The following CCDC71 variants were observed in gnomAD, a reference collection of about 807,000 sequenced individuals.
CCDC71 encodes coiled-coil domain-containing protein 71.
For missense variants in CCDC71, 594 were observed against 604.0 expected, an observed-to-expected ratio of 0.98 and a Z score of 0.17; for synonymous variants, 257 against 242.2, an observed-to-expected ratio of 1.06 and a Z score of -0.57.
In CCDC71 at chr3:49,163,948, T is replaced by C. The variant is rs371890301; in HGVS notation, c.261A>G (p.Gln87=). ...TANPPSQTKL[Q]ARAPNPTATS... is the part of the protein sequence containing the mutation. The stretch of plus-strand genomic sequence containing the variant: ...TGGCAGTTGGGTTAGGGGCACGAGC[T>C]TGCAGTTTCGTCTGGCTTGGGGGAT... The change falls in exon 2 of 2, where the codon CAA becomes CAG. Residue 87 remains glutamine, a synonymous_variant. Transcript: ENST00000321895. The C allele has an allele frequency of 2.5e-6, 4 of 1,614,186 alleles. No individual in the cohort carries two copies. The highest frequency in any genetic ancestry group is 3.4e-6 in the Non-Finnish European group (4 of 1,180,044).
At position 49,162,938 on chromosome 3, in the gene CCDC71, A is replaced by T. The variant is rs547142043; in HGVS notation, c.1271T>A (p.Leu424Gln). Residue 424 changes from leucine to glutamine, a missense_variant, in exon 2 of 2, where the codon CTG becomes CAG. Leu to Gln is a moderately radical substitution (Grantham distance 113). Coordinates refer to ENST00000321895, the MANE Select transcript of CCDC71 (RefSeq NM_022903.4). ...ATCTACCTTTATGGCACGGAACTTC[A>T]GCAGCTTTGCTGTTCCAGGCCCTAG... Reference protein sequence around the residue: ...AWLGPGTAKLLKFRAIKVDRR... With the variant: ...AWLGPGTAKLQKFRAIKVDRR... The T allele has an allele frequency of 1.2e-6, 2 of 1,614,258 alleles. No homozygotes were observed. The highest frequency in any genetic ancestry group is 1.7e-6 in the Non-Finnish European group (2 of 1,180,042).
Position 49,163,902 on chromosome 3 carries a change from G to A in CCDC71, c.307C>T (p.Pro103Ser). 6.2e-7 allele frequency: 1 copy of A among 1,614,216 alleles called. No homozygotes were observed. Among genetic ancestry groups the A allele is most frequent in the Non-Finnish European group, 8.5e-7 (1 of 1,180,032 alleles). ...GCAGGCAACCGCATGGCAGTTCGGGGAGCACTGGCTGGAGGTGATGTGGCA... is the reference window on the plus strand; with the variant it reads ...GCAGGCAACCGCATGGCAGTTCGGGAAGCACTGGCTGGAGGTGATGTGGCA... ...PTATSPPASA[P>S]RTAMRLPAGR... Residue 103 changes from proline (P) to serine (S), a missense_variant, in exon 2 of 2, where the codon CCC becomes TCC. Coordinates refer to ENST00000321895, the MANE Select transcript of CCDC71 (RefSeq NM_022903.4).
In CCDC71 at chr3:49,163,165, TGCCTTGGCTTTA is replaced by T. The variant is rs779924172; in HGVS notation, c.1032_1043del (p.Lys345_Ala348del). 5.1e-6 allele frequency: 8 copies of T among 1,578,670 alleles called. No individual in the cohort carries two copies. Among genetic ancestry groups the T allele is most frequent in the South Asian group, 1.1e-5 (1 of 88,256 alleles). On this transcript the variant is annotated inframe_deletion, in exon 2 of 2. Coordinates refer to ENST00000321895, the MANE Select transcript of CCDC71 (RefSeq NM_022903.4). ...GAGCCACCTTGGCCTTGGCCCGTACTGCCTTGGCTTTAGCCTTGGCCTTGGCCCATGCTGCCA... is the reference window on the plus strand; with the variant it reads ...GAGCCACCTTGGCCTTGGCCCGTACTGCCTTGGCCTTGGCCCATGCTGCCA...
rs1220255506 is a variant in CCDC71, at chr3:49,163,415, G to C, written c.794C>G (p.Pro265Arg). 1.2e-6 allele frequency: 2 copies of C among 1,614,206 alleles called. No individual in the cohort carries two copies. Among genetic ancestry groups the C allele is most frequent in the Non-Finnish European group, 1.7e-6 (2 of 1,180,038 alleles). The change falls in exon 2 of 2, where the codon CCC becomes CGC. Residue 265 changes from proline to arginine, a missense_variant. Transcript: ENST00000321895. ...QSKTNRATGS[P>R]SVRRMKGGSA... ...GCCCCCTTTCATTCGCCGGACACTGGGGGACCCAGTGGCTCTGTTGGTTTT... is the reference window on the plus strand; with the variant it reads ...GCCCCCTTTCATTCGCCGGACACTGCGGGACCCAGTGGCTCTGTTGGTTTT...
Position 49,163,573 on chromosome 3 carries a change from C to T in CCDC71, c.636G>A (p.Leu212=), listed in dbSNP as rs779864025. 2.5e-6 allele frequency: 4 copies of T among 1,614,224 alleles called. No individual in the cohort carries two copies. The Admixed American group carries it at 6.7e-5, about 27-fold the overall frequency. Residue 212 remains leucine (L), a synonymous_variant, in exon 2 of 2, where the codon CTG becomes CTA. Coordinates refer to ENST00000321895, the MANE Select transcript of CCDC71 (RefSeq NM_022903.4). ...CCGGACCCTTCCCTGAACTTTTCCGCAGTTTCAGAGGAGAGTCTGCAAGTG... is the reference window on the plus strand; with the variant it reads ...CCGGACCCTTCCCTGAACTTTTCCGTAGTTTCAGAGGAGAGTCTGCAAGTG... ...QLSLADSPLK[L]RKSSGKGPGN... is the part of the protein sequence containing the mutation.
In CCDC71 at chr3:49,163,944, G is replaced by A. The variant is rs1367315467; in HGVS notation, c.265C>T (p.Arg89Cys). 7.4e-6 allele frequency: 12 copies of A among 1,614,038 alleles called. No individual in the cohort carries two copies. The highest frequency in any genetic ancestry group is 3.3e-5 in the South Asian group (3 of 91,086). Reference protein sequence around the residue: ...NPPSQTKLQARAPNPTATSPP... With the variant: ...NPPSQTKLQACAPNPTATSPP... ...GATGTGGCAGTTGGGTTAGGGGCAC[G>A]AGCTTGCAGTTTCGTCTGGCTTGGG... Residue 89 changes from arginine (R) to cysteine (C), a missense_variant, in exon 2 of 2, where the codon CGT becomes TGT. Transcript: ENST00000321895.
Position 49,163,502 on chromosome 3 carries a change from G to C in CCDC71, c.707C>G (p.Pro236Arg), listed in dbSNP as rs148007557. 5.0e-6 allele frequency: 8 copies of C among 1,614,124 alleles called. No homozygotes were observed. Among genetic ancestry groups the C allele is most frequent in the Non-Finnish European group, 6.8e-6 (8 of 1,180,046 alleles). Reference sequence around the variant, plus strand: ...AGGGCCTTTGCGAGTCAGACACTTGGGGCCCTTGCTTGTGGTTTTTCTGGG... The same window carrying C: ...AGGGCCTTTGCGAGTCAGACACTTGCGGCCCTTGCTTGTGGTTTTTCTGGG... ...KAPRKTTSKGPKCLTRKGPGA... is the reference protein window; with the variant it reads ...KAPRKTTSKGRKCLTRKGPGA... Residue 236 changes from proline (P) to arginine (R), a missense_variant, in exon 2 of 2, where the codon CCC becomes CGC. Physicochemically the swap from Pro to Arg is moderately radical, Grantham distance 103 (BLOSUM62 -2). Coordinates refer to ENST00000321895, the MANE Select transcript of CCDC71 (RefSeq NM_022903.4).
In CCDC71 at chr3:49,164,209, G is replaced by A; in HGVS notation, c.-1C>T. The A allele has an allele frequency of 1.2e-6, 2 of 1,604,488 alleles. No individual in the cohort carries two copies. Among genetic ancestry groups the A allele is most frequent in the Non-Finnish European group, 1.7e-6 (2 of 1,172,958 alleles). On this transcript the variant is annotated 5_prime_UTR_variant, in exon 2 of 2. Coordinates refer to ENST00000321895, the MANE Select transcript of CCDC71 (RefSeq NM_022903.4). ...CCACATGCTGAACCACCACACTCAT[G>A]GCATTAGGCACTGCAGATCTGCCTG...
At chr3:49,164,296 C>T (rs1319839989) in intron 1 of CCDC71, 36 bp from the exon 2 acceptor site, 3 of 1,321,462 alleles carry the variant, frequency 2.3e-6, no homozygotes, top group Non-Finnish European at 3.2e-6. Flanking sequence ...ATAAGAATGG[C>T]ACTAAGACAA....
Position 49,163,832 on chromosome 3 carries a change from G to A in CCDC71, c.377C>T (p.Ala126Val). The A allele has an allele frequency of 6.2e-7, 1 of 1,614,196 alleles. No homozygotes were observed. ...GGCAAGGGCTGGTGTGGATGCTTTGGCCAGTCTGCCAGATAGCGGCATGGG... is the reference window on the plus strand; with the variant it reads ...GGCAAGGGCTGGTGTGGATGCTTTGACCAGTCTGCCAGATAGCGGCATGGG... Reference protein sequence around the residue: ...LLPMPLSGRLAKASTPALAKH... With the variant: ...LLPMPLSGRLVKASTPALAKH... Residue 126 changes from alanine (A) to valine (V), a missense_variant, in exon 2 of 2, where the codon GCC becomes GTC. Transcript: ENST00000321895.
At position 49,163,558 on chromosome 3, in the gene CCDC71, C is replaced by T; in HGVS notation, c.651G>A (p.Gly217=). The part of the protein sequence containing the change: ...DSPLKLRKSS[G]KGPGNPRPKA... ...TGGGCCGAGGGTTCCCCGGACCCTT[C>T]CCTGAACTTTTCCGCAGTTTCAGAG... Residue 217 remains glycine (G), a synonymous_variant, in exon 2 of 2, where the codon GGG becomes GGA. Coordinates refer to ENST00000321895, the MANE Select transcript of CCDC71 (RefSeq NM_022903.4). 7.4e-6 allele frequency: 12 copies of T among 1,614,236 alleles called. No individual in the cohort carries two copies. The highest frequency in any genetic ancestry group is 9.3e-6 in the Non-Finnish European group (11 of 1,180,030).
chr3:49,162,846 C>T lies in CCDC71; in HGVS notation c.1363G>A (p.Val455Ile), dbSNP rs774180246. The stretch of plus-strand genomic sequence containing the variant: ...GGCAGCAATGGCTGGAGCCGTATTA[C>T]AGGTGACAGGTTCACGCGGAGGATC... ...QRILRVNLSP[V>I]IRLQPLLPYS... The change falls in exon 2 of 2, where the codon GTA becomes ATA. Residue 455 changes from valine to isoleucine, a missense_variant. By Grantham distance (29) the Val-to-Ile change is conservative. Coordinates refer to ENST00000321895, the MANE Select transcript of CCDC71 (RefSeq NM_022903.4). The T allele has an allele frequency of 2.5e-5, 41 of 1,613,692 alleles. No individual in the cohort carries two copies. Among genetic ancestry groups the T allele is most frequent in the African/African-American group, 2.5e-4 (19 of 74,960 alleles).
intron 1 of CCDC71, 89 bp from the exon 2 acceptor site, chr3:49,164,349 C>T: frequency 1.3e-6 from 1 of 757,874 alleles, no homozygotes; most frequent in Admixed American, 2.7e-5. Flanking sequence ...CCCCAATCTC[C>T]ATGACACTGA....
Position 49,162,647 on chromosome 3 carries a change from C to T in CCDC71, c.*158G>A. On this transcript the variant is annotated 3_prime_UTR_variant, in exon 2 of 2. Coordinates refer to ENST00000321895, the MANE Select transcript of CCDC71 (RefSeq NM_022903.4). ...CCCGCCCACCCACCCCACCGTACCCCACCCACTCTGGTTTCTGAAAGGAGG... is the reference window on the plus strand; with the variant it reads ...CCCGCCCACCCACCCCACCGTACCCTACCCACTCTGGTTTCTGAAAGGAGG... 1 of 414,236 alleles carries T rather than the reference C, an allele frequency of 2.4e-6. No individual in the cohort carries two copies. Among genetic ancestry groups the T allele is most frequent in the Non-Finnish European group, 4.3e-6 (1 of 230,322 alleles). The allele number at this position is 414,236 out of a possible 1,614,324, so 25.7% of individuals were successfully genotyped here. A position where few individuals can be genotyped will look rare whatever the true frequency, so the allele number is the denominator to read the frequency against.
intron 1 of CCDC71, among the ~76,000 whole-genome samples, chr3:49,165,643 G>A (rs2045718974): frequency 6.6e-6 from 1 of 152,264 alleles, no homozygotes; most frequent in African/African-American, 2.4e-5. Context: ...CCCCTCCCCA[G>A]AGACCGTTCT....
chr3:49,164,740 T>C (rs922467006), intron 1 of CCDC71, among the ~76,000 whole-genome samples: 3 of 152,052 alleles, frequency 2.0e-5, no homozygotes, highest in African/African-American at 7.2e-5. Flanking sequence ...AACACCTAGC[T>C]AGGATATGAG....
rs1560086267 is a variant in CCDC71 at position 49,164,053 on chromosome 3, C to T, written c.156G>A (p.Leu52=). Residue 52 remains leucine (L), a synonymous_variant, in exon 2 of 2, where the codon CTG becomes CTA. Transcript: ENST00000321895. ...GGAAGCCATCATCTCGCAGGCCCTGCAGGAAGGCCACAAGCTGGGCCTCTG... is the reference window on the plus strand; with the variant it reads ...GGAAGCCATCATCTCGCAGGCCCTGTAGGAAGGCCACAAGCTGGGCCTCTG... ...SATEAQLVAF[L]QGLRDDGFQP... is the part of the protein sequence containing the mutation. The T allele has an allele frequency of 5.0e-6, 8 of 1,614,108 alleles. No individual in the cohort carries two copies. The highest frequency in any genetic ancestry group is 3.3e-5 in the South Asian group (3 of 91,082).
rs1227637508 is a variant in CCDC71 at position 49,163,106 on chromosome 3, C to T, written c.1103G>A (p.Gly368Glu). Reference protein sequence around the residue: ...TQPRGRGRPKGSAKARTTRKG... With the variant: ...TQPRGRGRPKESAKARTTRKG... Reference sequence around the variant, plus strand: ...CCTTGTAGTTCTGGCCTTAGCAGATCCCTTTGGCCTGCCTCTGCCCCTGGG... The same window carrying T: ...CCTTGTAGTTCTGGCCTTAGCAGATTCCTTTGGCCTGCCTCTGCCCCTGGG... Residue 368 changes from glycine (G) to glutamate (E), a missense_variant, in exon 2 of 2, where the codon GGA becomes GAA. Coordinates refer to ENST00000321895, the MANE Select transcript of CCDC71 (RefSeq NM_022903.4). 1.9e-6 allele frequency: 3 copies of T among 1,614,238 alleles called. No individual in the cohort carries two copies. The highest frequency in any genetic ancestry group is 2.2e-5 in the East Asian group (1 of 44,872).
chr3:49,164,997 G>A (rs377038529), intron 1 of CCDC71, among the ~76,000 whole-genome samples: 1 of 152,106 alleles, frequency 6.6e-6, no homozygotes. Flanking sequence ...GTGGGGTGGG[G>A]GAATCTCCCT....
Sources: allele counts gnomAD v4.1 joint callset (sites outside exome capture counted in the v4.1 genomes callset), GRCh38; gene constraint gnomAD v4.1.1; transcripts MANE v1.5; gene names NCBI Gene and HGNC (gene_info 2026-07-23, HGNC 2026-07-21).